The following TREML4 variants were observed in gnomAD, a reference collection of about 807,000 sequenced individuals.
TREML4 encodes trem-like transcript 4 protein.
A neutral mutation model predicts 25.4 loss-of-function variants in TREML4; 25 were observed. The ratio of observed to expected loss-of-function variants is 0.98; its 90% CI spans 0.72 to 1.37. The LOEUF is 1.37. Among genes scored for constraint, TREML4 ranks in the 40% most tolerant of loss-of-function variants. TREML4 has a pLI of 0.00. For synonymous variants in TREML4, 92 were observed against 87.9 expected (o/e 1.05, Z -0.26); for missense variants, 268 against 236.5 (o/e 1.13, Z -0.87).
chr6:41,235,506 C>T (rs796945134), intron 4 of TREML4, among the ~76,000 whole-genome samples: 13 of 152,290 alleles, frequency 8.5e-5, no homozygotes, highest in African/African-American at 2.9e-4. Context: ...AACTGACATA[C>T]ATTACAAATA....
At chr6:41,231,869 CCAGGAAATTTTTTCAAAATTATAG>C (rs1766806533) in intron 4 of TREML4, among the ~76,000 whole-genome samples, 2 of 151,968 alleles carry the variant, frequency 1.3e-5, no homozygotes, top group South Asian at 4.2e-4. Context: ...GAGAAAGAAT[CCAGGAAATTTTTTCAAAATTATAG>C]AAGAAAAGAC....
intron 4 of TREML4, among the ~76,000 whole-genome samples, chr6:41,233,825 T>C (rs1254712200): frequency 6.6e-6 from 1 of 151,198 alleles, no homozygotes; most frequent in Non-Finnish European, 1.5e-5. Context: ...ACATATAAAC[T>C]ATGCTTTTAA....
Position 41,228,965 on chromosome 6 carries a change from A to T in TREML4, c.315A>T (p.Gly105=). The T allele has an allele frequency of 1.2e-6, 2 of 1,614,138 alleles. No homozygotes were observed. Among genetic ancestry groups the T allele is most frequent in the Non-Finnish European group, 1.7e-6 (2 of 1,180,002 alleles). Residue 105 remains glycine, a synonymous_variant, in exon 2 of 6, where the codon GGA becomes GGT. Transcript: ENST00000341495. ...TMIQLTQNDS[G]FYWCGIYNAS... is the part of the protein sequence containing the mutation. Reference sequence around the variant, plus strand: ...TTCAGCTGACACAGAATGACTCGGGATTCTACTGGTGTGGAATCTACAACG... The same window carrying T: ...TTCAGCTGACACAGAATGACTCGGGTTTCTACTGGTGTGGAATCTACAACG...
intron 4 of TREML4, among the ~76,000 whole-genome samples, chr6:41,231,365 G>A (rs900279688): frequency 6.6e-6 from 1 of 151,494 alleles, no homozygotes; most frequent in Non-Finnish European, 1.5e-5. Context: ...TTAGTCTTCG[G>A]TTCTTCCCCA....
chr6:41,236,127 G>C (rs1280264980), intron 4 of TREML4, among the ~76,000 whole-genome samples: 1 of 151,560 alleles, frequency 6.6e-6, no homozygotes, highest in Non-Finnish European at 1.5e-5. Context: ...TATCTTGGCT[G>C]GTCTTGAAGA....
chr6:41,228,406 T>C lies in TREML4; in HGVS notation c.-22T>C. 6.3e-7 allele frequency: 1 copy of C among 1,598,452 alleles called. No individual in the cohort carries two copies. Among genetic ancestry groups the C allele is most frequent in the East Asian group, 2.2e-5 (1 of 44,510 alleles). On this transcript the variant is annotated 5_prime_UTR_variant, in exon 1 of 6. Transcript: ENST00000341495. ...CCCTTTTTTCTCCTCTCCTCCGCTGTCAGAAACAGATCTGGGCTGGAATGG... is the reference window on the plus strand; with the variant it reads ...CCCTTTTTTCTCCTCTCCTCCGCTGCCAGAAACAGATCTGGGCTGGAATGG...
chr6:41,237,735 A>G lies in TREML4; in HGVS notation c.*716A>G, dbSNP rs1297752485. On this transcript the variant is annotated 3_prime_UTR_variant, in exon 6 of 6. Coordinates refer to ENST00000341495, the MANE Select transcript of TREML4 (RefSeq NM_198153.3). Reference sequence around the variant, plus strand: ...AGTAAAAGAAAAAATTAGATGCGTTAAAATGACATGAGCAGGCGACTCAGT... The same window carrying G: ...AGTAAAAGAAAAAATTAGATGCGTTGAAATGACATGAGCAGGCGACTCAGT... The G allele has an allele frequency of 6.6e-6, 1 of 152,242 alleles. No homozygotes were observed. Among genetic ancestry groups the G allele is most frequent in the Non-Finnish European group, 1.5e-5 (1 of 68,046 alleles). 9.4% of individuals were successfully genotyped at this position (152,242 alleles called of 1,614,324 possible).
intron 3 of TREML4, 152 bp downstream of exon 3, chr6:41,229,723 G>A: frequency 1.3e-6 from 1 of 785,134 alleles, no homozygotes; most frequent in Non-Finnish European, 2.2e-6. Flanking sequence ...AGGGCCCACT[G>A]TCTCTTAGGG....
chr6:41,235,364 G>A (rs1439896918), intron 4 of TREML4, among the ~76,000 whole-genome samples: 1 of 152,134 alleles, frequency 6.6e-6, no homozygotes, highest in Non-Finnish European at 1.5e-5. Flanking sequence ...TTACATGAAA[G>A]AAGATTAGAC....
intron 4 of TREML4, chr6:41,231,181 AG>A (rs779842257): frequency 3.0e-6 from 1 of 331,042 alleles, no homozygotes; most frequent in South Asian, 2.3e-5. Flanking sequence ...TGATAATAAT[AG>A]AAATAAAGTG....
chr6:41,230,933 G>C (rs1766783787), intron 4 of TREML4, among the ~76,000 whole-genome samples: 1 of 152,108 alleles, frequency 6.6e-6, no homozygotes, highest in African/African-American at 2.4e-5. Flanking sequence ...CCTGAGCTCT[G>C]CCTCCTGTCA....
At chr6:41,232,951 T>C (rs1050558478) in intron 4 of TREML4, among the ~76,000 whole-genome samples, 9 of 152,178 alleles carry the variant, frequency 5.9e-5, no homozygotes, top group Non-Finnish European at 1.2e-4. Context: ...GGTCTGTGAC[T>C]CAGGGGTTGG....
At chr6:41,234,104 G>A (rs993358511) in intron 4 of TREML4, among the ~76,000 whole-genome samples, 48 of 151,904 alleles carry the variant, frequency 3.2e-4, no homozygotes, top group African/African-American at 1.0e-3. Context: ...TATAAGAAGC[G>A]TGAAGAAATT....
At position 41,228,930 on chromosome 6, in the gene TREML4, A is replaced by G; in HGVS notation, c.280A>G (p.Ile94Val). Residue 94 changes from isoleucine to valine, a missense_variant, in exon 2 of 6, where the codon ATC becomes GTC. Ile to Val is a conservative substitution (Grantham distance 29, BLOSUM62 3). Coordinates refer to ENST00000341495, the MANE Select transcript of TREML4 (RefSeq NM_198153.3). ...WDKPNAGFFN[I>V]TMIQLTQNDS... ...CAAGCCCAATGCTGGCTTCTTCAAC[A>G]TCACCATGATTCAGCTGACACAGAA... is the stretch of plus-strand genomic sequence containing the variant. 1 of 1,614,166 alleles carries G rather than the reference A, an allele frequency of 6.2e-7. No homozygotes were observed. The highest frequency in any genetic ancestry group is 2.2e-5 in the East Asian group (1 of 44,886).
intron 4 of TREML4, chr6:41,232,428 TTC>T: frequency 2.5e-6 from 1 of 393,106 alleles, no homozygotes; most frequent in South Asian, 1.8e-5. Context: ...AAAAATAACA[TTC>T]TAGACTAGCA....
rs1416646986 is a variant in TREML4, at chr6:41,238,392, T to C, written c.*1373T>C. ...AAGAAATTGTGATAGACCTTTTTCATATGCTTGTCTTACTCCTTGCTGGGC... is the reference window on the plus strand; with the variant it reads ...AAGAAATTGTGATAGACCTTTTTCACATGCTTGTCTTACTCCTTGCTGGGC... On this transcript the variant is annotated 3_prime_UTR_variant, in exon 6 of 6. Transcript: ENST00000341495. 2 of 152,240 alleles carry C rather than the reference T, an allele frequency of 1.3e-5. No homozygotes were observed. Among genetic ancestry groups the C allele is most frequent in the African/African-American group, 4.8e-5 (2 of 41,462 alleles). The allele number at this position is 152,240 out of a possible 1,614,324, so 9.4% of individuals were successfully genotyped here.
chr6:41,229,644 G>C (rs768667421), intron 3 of TREML4, 73 bp downstream of exon 3: 79 of 1,521,020 alleles, frequency 5.2e-5, no homozygotes, highest in Non-Finnish European at 7.1e-5. Flanking sequence ...ATTCAGGGAA[G>C]GGGAAACCAG....
At position 41,236,553 on chromosome 6, in the gene TREML4, C is replaced by T. The variant is rs774155432; in HGVS notation, c.574C>T (p.Leu192Phe). 2 of 1,614,104 alleles carry T rather than the reference C, an allele frequency of 1.2e-6. No individual in the cohort carries two copies. The highest frequency in any genetic ancestry group is 1.1e-5 in the South Asian group (1 of 91,080). Residue 192 changes from leucine to phenylalanine, a missense_variant, in exon 5 of 6, where the codon CTC (leucine) becomes TTC (phenylalanine). Physicochemically the swap from Leu to Phe is conservative, Grantham distance 22. Transcript: ENST00000341495. ...ATTCCTGGTCTTGGTGCTATGTGGA[C>T]TCCTCCTGGCCAAGGGCCTGATGTT... is the stretch of plus-strand genomic sequence containing the variant. ...PRFLVLVLCGLLLAKGLML is the reference protein window; with the variant it reads ...PRFLVLVLCGFLLAKGLML
rs201277387 is a variant in TREML4 at position 41,229,510 on chromosome 6, T to C, written c.395-11T>C. 2 of 1,613,818 alleles carry C rather than the reference T, an allele frequency of 1.2e-6. No individual in the cohort carries two copies. Among genetic ancestry groups the C allele is most frequent in the South Asian group, 1.1e-5 (1 of 91,068 alleles). ...CCTGGAGAGTCATTGTCTGCTGTCT[T>C]TTCTCTTTAGCCCCAACCACGTCTC... On this transcript the variant is annotated splice_polypyrimidine_tract_variant and intron_variant, in intron 2 of 5. Transcript: ENST00000341495.
Sources: gnomAD v4.1 joint callset for allele counts (sites outside exome capture counted in the v4.1 genomes callset) on GRCh38, gnomAD v4.1.1 for gene constraint, MANE v1.5 for transcripts, NCBI Gene and HGNC (gene_info 2026-07-23, HGNC 2026-07-21) for gene names.